The following CCBE1 variants were observed in gnomAD, a reference collection of about 807,000 sequenced individuals.
CCBE1 encodes collagen and calcium binding EGF domains 1, also known as collagen and calcium-binding EGF domain-containing protein 1.
Under a neutral mutation model 50.0 loss-of-function variants are expected in CCBE1, and 37 were observed. The ratio of observed to expected loss-of-function variants is 0.74; its 90% CI spans 0.57 to 0.97. The LOEUF (loss-of-function observed/expected upper bound fraction) is 0.97. CCBE1 is among the 50% of genes least tolerant of loss of function. The pLI, the probability that CCBE1 is intolerant of heterozygous loss-of-function variation, is 0.00. For missense variants in CCBE1, 538 were observed against 523.8 expected, an observed-to-expected ratio of 1.03 and a Z score of -0.26; for synonymous variants, 234 against 203.7, an observed-to-expected ratio of 1.15 and a Z score of -1.27.
intron 2 of CCBE1, among the ~76,000 whole-genome samples, chr18:59,555,818 A>T (rs1377824793): frequency 6.6e-6 from 1 of 152,232 alleles, no homozygotes; most frequent in Non-Finnish European, 1.5e-5. Flanking sequence ...TGCATAAAAG[A>T]AGGTCAATGT....
chr18:59,538,196 G>T (rs528515655), intron 2 of CCBE1, among the ~76,000 whole-genome samples: 1 of 152,118 alleles, frequency 6.6e-6, no homozygotes, highest in Non-Finnish European at 1.5e-5. Context: ...GCTATAGAGC[G>T]GGTGAGTTCA....
intron 2 of CCBE1, among the ~76,000 whole-genome samples, chr18:59,536,841 C>A (rs2144368715): frequency 6.6e-6 from 1 of 151,958 alleles, no homozygotes; most frequent in East Asian, 1.9e-4. Flanking sequence ...TGCAAAAAAA[C>A]ATTAGCTGGG....
intron 2 of CCBE1, among the ~76,000 whole-genome samples, chr18:59,526,917 T>G (rs887533441): frequency 3.3e-5 from 5 of 152,198 alleles, no homozygotes; most frequent in African/African-American, 9.7e-5. Context: ...CAAGGAGTGT[T>G]TTACTTCTGA....
chr18:59,646,930 TAACCCCTAATCA>T (rs1332822050), intron 2 of CCBE1, among the ~76,000 whole-genome samples: 1 of 152,160 alleles, frequency 6.6e-6, no homozygotes, highest in African/African-American at 2.4e-5. Context: ...GATACAAAGA[TAACCCCTAATCA>T]AACTCTGGGG....
At chr18:59,570,481 T>C (rs1438510373) in intron 2 of CCBE1, among the ~76,000 whole-genome samples, 5 of 152,346 alleles carry the variant, frequency 3.3e-5, no homozygotes, top group Non-Finnish European at 7.4e-5. Flanking sequence ...TCTGGTCTGC[T>C]GGCTGTAACA....
intron 2 of CCBE1, among the ~76,000 whole-genome samples, chr18:59,657,660 G>A (rs2054209016): frequency 6.6e-6 from 1 of 152,192 alleles, no homozygotes; most frequent in African/African-American, 2.4e-5. Flanking sequence ...GGGATCTGAG[G>A]CGGACAGATC....
chr18:59,554,560 C>A (rs545501049), intron 2 of CCBE1, among the ~76,000 whole-genome samples: 1 of 152,182 alleles, frequency 6.6e-6, no homozygotes, highest in Admixed American at 6.5e-5. Context: ...TGTCCCCATT[C>A]GCCTTTGAGT....
chr18:59,676,377 A>G (rs1230728175), intron 2 of CCBE1, among the ~76,000 whole-genome samples: 1 of 152,152 alleles, frequency 6.6e-6, no homozygotes, highest in Non-Finnish European at 1.5e-5. Flanking sequence ...ATGGCTCTTT[A>G]TGTTGTAGGC....
intron 2 of CCBE1, among the ~76,000 whole-genome samples, chr18:59,524,235 G>A (rs1166465617): frequency 2.6e-5 from 4 of 152,132 alleles, no homozygotes; most frequent in Admixed American, 6.5e-5. Flanking sequence ...CAGGAGAATC[G>A]CTTGAACCTA....
intron 2 of CCBE1, among the ~76,000 whole-genome samples, chr18:59,629,727 A>T (rs1339865346): frequency 6.6e-6 from 1 of 152,144 alleles, no homozygotes; most frequent in Non-Finnish European, 1.5e-5. Context: ...CCTGGCTGGG[A>T]GATGGTTTCC....
chr18:59,685,590 G>A (rs1234173056), intron 2 of CCBE1, among the ~76,000 whole-genome samples: 1 of 152,206 alleles, frequency 6.6e-6, no homozygotes, highest in East Asian at 1.9e-4. Flanking sequence ...AATCACATGA[G>A]GAGCTTTAGA....
intron 2 of CCBE1, among the ~76,000 whole-genome samples, chr18:59,508,303 T>A (rs9966167): frequency 0.31 from 47,496 of 151,616 alleles, 7,925 homozygotes; most frequent in African/African-American, 0.42. Flanking sequence ...AAATGGCAAT[T>A]TGAAACTTGC....
At chr18:59,683,112 C>T (rs570170153) in intron 2 of CCBE1, among the ~76,000 whole-genome samples, 1 of 152,214 alleles carries the variant, frequency 6.6e-6, no homozygotes, top group Non-Finnish European at 1.5e-5. Flanking sequence ...GCTTTCCCCT[C>T]ATCATGAAGG....
At chr18:59,616,338 T>G (rs886082166) in intron 2 of CCBE1, among the ~76,000 whole-genome samples, 2 of 152,218 alleles carry the variant, frequency 1.3e-5, no homozygotes, top group Non-Finnish European at 2.9e-5. Flanking sequence ...GCTAAGTGAT[T>G]CATGGGAGAC....
intron 2 of CCBE1, among the ~76,000 whole-genome samples, chr18:59,485,004 C>T (rs1912747872): frequency 6.6e-6 from 1 of 152,188 alleles, no homozygotes; most frequent in Non-Finnish European, 1.5e-5. Flanking sequence ...TTAGATCTAA[C>T]TACAAACACT....
chr18:59,687,123 A>G (rs1370466433), intron 2 of CCBE1, among the ~76,000 whole-genome samples: 1 of 152,236 alleles, frequency 6.6e-6, no homozygotes, highest in East Asian at 1.9e-4. Flanking sequence ...AAAATGAAGC[A>G]AGGACACATT....
At chr18:59,464,796 T>A (rs1254912527) in intron 5 of CCBE1, 1 of 152,278 alleles carries the variant, frequency 6.6e-6, no homozygotes, top group Admixed American at 6.5e-5. Flanking sequence ...CTAGCCCTTT[T>A]TGAAGCTTGG....
intron 2 of CCBE1, among the ~76,000 whole-genome samples, chr18:59,576,141 C>T (rs111588084): frequency 0.01 from 1,587 of 152,308 alleles, 16 homozygotes; most frequent in Non-Finnish European, 0.017. Context: ...TTAGTGTTCA[C>T]GTTGTGGATA....
chr18:59,478,336 A>G (rs375086793), intron 3 of CCBE1, among the ~76,000 whole-genome samples: 23 of 152,178 alleles, frequency 1.5e-4, no homozygotes, highest in Non-Finnish European at 3.1e-4. Flanking sequence ...CTAATATACA[A>G]TATTTTCTGA....
Sources: allele counts gnomAD v4.1 joint callset (sites outside exome capture counted in the v4.1 genomes callset), GRCh38; gene constraint gnomAD v4.1.1; transcripts MANE v1.5; gene names NCBI Gene and HGNC (gene_info 2026-07-23, HGNC 2026-07-21).